LHFPL3: variants seen among roughly 807,000 people sequenced by gnomAD.
The protein encoded by LHFPL3 is LHFPL tetraspan subfamily member 3 protein.
Under a neutral mutation model 19.3 loss-of-function variants are expected in LHFPL3, and 5 were observed. That is an observed-to-expected ratio of 0.26 (90% CI 0.14 to 0.54). The LOEUF (loss-of-function observed/expected upper bound fraction) is 0.54. Ranked by LOEUF, LHFPL3 falls within the 20% of genes least tolerant of loss-of-function variation. The pLI, the probability that LHFPL3 is intolerant of heterozygous loss-of-function variation, is 0.94. For missense variants in LHFPL3, 249 were observed against 307.4 expected, an observed-to-expected ratio of 0.81 and a Z score of 1.42; for synonymous variants, 133 against 126.2, an observed-to-expected ratio of 1.05 and a Z score of -0.36.
chr7:104,777,000 T>G (rs138815963), intron 2 of LHFPL3, among the ~76,000 whole-genome samples: 74 of 152,322 alleles, frequency 4.9e-4, no homozygotes, highest in African/African-American at 1.7e-3. Context: ...AGGAGCAAGA[T>G]GGTCCAGTGT....
At position 104,587,154 on chromosome 7, in the gene LHFPL3, T is replaced by C. The variant is rs1013178178; in HGVS notation, c.446-149521T>C. 2.6e-5 allele frequency among the ~76,000 whole-genome samples: 4 copies of C among 152,234 alleles called. 1 individual carries two copies. Among genetic ancestry groups the C allele is most frequent in the Admixed American group, 1.3e-4 (2 of 15,284 alleles). On this transcript the variant is annotated intron_variant, in intron 1 of 2. Transcript: ENST00000424859. ...TTTTATTATACTTTAAGTTCTAGGG[T>C]ACGTGTGCACAACGTGCAGGTCTGT...
intron 1 of LHFPL3, among the ~76,000 whole-genome samples, chr7:104,566,058 C>T (rs950158670): frequency 6.6e-6 from 1 of 152,020 alleles, no homozygotes; most frequent in Non-Finnish European, 1.5e-5. Flanking sequence ...CGGAACTCAC[C>T]TTCTCATGGC....
chr7:104,744,309 T>G (rs1793999509), intron 2 of LHFPL3: 1 of 152,136 alleles, frequency 6.6e-6, no homozygotes, highest in South Asian at 2.1e-4. Flanking sequence ...GGATATTAAC[T>G]TTATAAAAAC....
intron 1 of LHFPL3, among the ~76,000 whole-genome samples, chr7:104,636,850 A>G (rs1791737748): frequency 6.6e-6 from 1 of 152,122 alleles, no homozygotes; most frequent in African/African-American, 2.4e-5. Flanking sequence ...GAACATACAC[A>G]TGTGTGTGTC....
intron 1 of LHFPL3, among the ~76,000 whole-genome samples, chr7:104,478,733 T>C (rs1284658765): frequency 1.3e-5 from 2 of 152,224 alleles, no homozygotes; most frequent in Non-Finnish European, 2.9e-5. Context: ...TCAAAGAGCC[T>C]TGCCAAGTTT....
intron 1 of LHFPL3, among the ~76,000 whole-genome samples, chr7:104,384,248 G>A (rs1790890069): frequency 6.6e-6 from 1 of 152,046 alleles, no homozygotes; most frequent in Non-Finnish European, 1.5e-5. Context: ...AAAGGTTTAA[G>A]AATTAAAGAA....
intron 1 of LHFPL3, among the ~76,000 whole-genome samples, chr7:104,629,837 C>G (rs1791609586): frequency 1.3e-5 from 2 of 152,188 alleles, no homozygotes; most frequent in Admixed American, 6.5e-5. Context: ...ATGGGATTCA[C>G]TTCTGACCAC....
At chr7:104,405,201 C>G (rs1012378015) in intron 1 of LHFPL3, among the ~76,000 whole-genome samples, 1 of 151,920 alleles carries the variant, frequency 6.6e-6, no homozygotes, top group African/African-American at 2.4e-5. Flanking sequence ...AATTTTTGAG[C>G]CTAGCAAAAC....
chr7:104,668,386 C>A, intron 1 of LHFPL3: 1 of 1,593,960 alleles, frequency 6.3e-7, no homozygotes, highest in Non-Finnish European at 8.6e-7. Context: ...GACTACCCAC[C>A]TAGAAGAGGT....
At chr7:104,445,079 C>T (rs1427129283) in intron 1 of LHFPL3, among the ~76,000 whole-genome samples, 1 of 151,842 alleles carries the variant, frequency 6.6e-6, no homozygotes. Context: ...TTTGGGTTGC[C>T]TAGGCAGTTT....
intron 2 of LHFPL3, among the ~76,000 whole-genome samples, chr7:104,894,325 A>G (rs946511044): frequency 5.3e-5 from 8 of 152,250 alleles, no homozygotes; most frequent in Non-Finnish European, 1.0e-4. Context: ...AGTAGTGCTC[A>G]GTAAAGGTAG....
At chr7:104,807,471 C>A (rs1484065464) in intron 2 of LHFPL3, among the ~76,000 whole-genome samples, 1 of 152,094 alleles carries the variant, frequency 6.6e-6, no homozygotes, top group Non-Finnish European at 1.5e-5. Context: ...TTACAGCAGC[C>A]CTAGAAAATG....
At chr7:104,554,201 G>C (rs886578717) in intron 1 of LHFPL3, among the ~76,000 whole-genome samples, 1 of 151,928 alleles carries the variant, frequency 6.6e-6, no homozygotes, top group African/African-American at 2.4e-5. Context: ...TTGCTTTTTT[G>C]TGGATTTGTT....
At chr7:104,860,101 C>T (rs142359519) in intron 2 of LHFPL3, among the ~76,000 whole-genome samples, 2 of 152,154 alleles carry the variant, frequency 1.3e-5, no homozygotes, top group Non-Finnish European at 2.9e-5. Context: ...TAACCCCACT[C>T]AGTGTTGGAC....
intron 1 of LHFPL3, among the ~76,000 whole-genome samples, chr7:104,451,655 T>C (rs1792441672): frequency 6.6e-6 from 1 of 152,224 alleles, no homozygotes; most frequent in Admixed American, 6.5e-5. Flanking sequence ...TAAAAAATGA[T>C]TTTAGAGCAT....
At chr7:104,611,220 A>C (rs1428598688) in intron 1 of LHFPL3, among the ~76,000 whole-genome samples, 2 of 152,190 alleles carry the variant, frequency 1.3e-5, no homozygotes, top group Non-Finnish European at 2.9e-5. Flanking sequence ...GATAACAATA[A>C]TTTTATTTCA....
intron 2 of LHFPL3, among the ~76,000 whole-genome samples, chr7:104,798,591 A>C (rs78381993): frequency 0.026 from 3,994 of 152,292 alleles, 156 homozygotes; most frequent in African/African-American, 0.088. Flanking sequence ...ATTTCACCTT[A>C]TAATTAGTTG....
intron 1 of LHFPL3, among the ~76,000 whole-genome samples, chr7:104,374,208 A>ATGTGTG (rs1006955104): frequency 0.01 from 1,534 of 147,140 alleles, 13 homozygotes; most frequent in South Asian, 0.044. Flanking sequence ...CTATCTATAT[A>ATGTGTG]TGTGTGTGTG....
chr7:104,663,684 A>G (rs1031326856), intron 1 of LHFPL3, among the ~76,000 whole-genome samples: 2 of 152,240 alleles, frequency 1.3e-5, no homozygotes, highest in African/African-American at 2.4e-5. Flanking sequence ...CAAGTTTGGG[A>G]AACTACATAT....
Sources: allele counts gnomAD v4.1 joint callset (sites outside exome capture counted in the v4.1 genomes callset), GRCh38; gene constraint gnomAD v4.1.1; transcripts MANE v1.5; gene names NCBI Gene and HGNC (gene_info 2026-07-23, HGNC 2026-07-21).